The following DCC variants were observed in gnomAD, a reference collection of about 807,000 sequenced individuals.
The protein encoded by DCC is netrin receptor DCC.
In DCC, 58 loss-of-function variants were observed where a neutral mutation model predicts 172.5. That is an observed-to-expected ratio of 0.34 (90% CI 0.27 to 0.42). The LOEUF (loss-of-function observed/expected upper bound fraction) is 0.42. Ranked by LOEUF, DCC falls within the 10% of genes least tolerant of loss-of-function variation. The pLI is 1.00. For missense variants in DCC, 1,740 were observed against 1,791.0 expected (o/e 0.97, Z 0.51); for synonymous variants, 709 against 644.5 (o/e 1.10, Z -1.52).
intron 9 of DCC, among the ~76,000 whole-genome samples, chr18:53,191,478 T>A (rs2055365914): frequency 6.6e-6 from 1 of 152,192 alleles, no homozygotes; most frequent in Admixed American, 6.5e-5. Context: ...TTTTGTAGTA[T>A]TACAACTAAT....
intron 5 of DCC, among the ~76,000 whole-genome samples, chr18:53,032,469 C>G (rs1010923890): frequency 6.6e-6 from 1 of 152,100 alleles, no homozygotes; most frequent in African/African-American, 2.4e-5. Context: ...ATTTTGCATG[C>G]ATAGCATGAA....
chr18:52,836,744 G>A (rs1200896810), intron 2 of DCC, among the ~76,000 whole-genome samples: 1 of 152,152 alleles, frequency 6.6e-6, no homozygotes, highest in Non-Finnish European at 1.5e-5. Context: ...TCTTCCAGGT[G>A]CACAGTGCAT....
At position 52,802,039 on chromosome 18, in the gene DCC, A is replaced by G. The variant is rs536247984; in HGVS notation, c.412+49665A>G. Among the ~76,000 whole-genome samples, 8 of 144,030 alleles carry G rather than the reference A, an allele frequency of 5.6e-5. No homozygotes were observed. The South Asian group carries it at 9.1e-4, about 16-fold the overall frequency. 94.5% of individuals were successfully genotyped at this position (144,030 alleles called of 152,430 possible). A position where few individuals can be genotyped will look rare whatever the true frequency, so the allele number is the denominator to read the frequency against. ...TTTTAACCATTCCCTTCTTTTTTTT[A>G]TCAACATCCCTCTGAGCAGTAACAC... On this transcript the variant is annotated intron_variant, in intron 2 of 28. Transcript: ENST00000442544.
intron 21 of DCC, among the ~76,000 whole-genome samples, 181 bp from the exon 22 acceptor site, chr18:53,434,959 CTTGT>C (rs896724006): frequency 6.6e-6 from 1 of 152,070 alleles, no homozygotes; most frequent in African/African-American, 2.4e-5. Flanking sequence ...ACTTTTGCGA[CTTGT>C]TTTTCTCACA....
chr18:53,239,540 G>A (rs992274652), intron 12 of DCC, among the ~76,000 whole-genome samples: 1 of 152,154 alleles, frequency 6.6e-6, no homozygotes, highest in Non-Finnish European at 1.5e-5. Context: ...ACAGAAATGA[G>A]GGAGAACGCA....
At chr18:52,512,595 G>T (rs1473201446) in intron 1 of DCC, among the ~76,000 whole-genome samples, 4 of 151,966 alleles carry the variant, frequency 2.6e-5, no homozygotes, top group Admixed American at 1.3e-4. Flanking sequence ...CATATTTCTT[G>T]AACACCTACT....
intron 3 of DCC, among the ~76,000 whole-genome samples, chr18:52,912,437 A>C (rs1048753916): frequency 1.3e-5 from 2 of 152,030 alleles, no homozygotes; most frequent in Admixed American, 6.6e-5. Flanking sequence ...TAATTTGTCT[A>C]CTGGTAGTTC....
intron 5 of DCC, among the ~76,000 whole-genome samples, chr18:52,987,706 C>T (rs953189176): frequency 6.6e-6 from 1 of 152,146 alleles, no homozygotes; most frequent in Non-Finnish European, 1.5e-5. Context: ...TGTAGCTTAC[C>T]ACATTCCTGG....
intron 5 of DCC, among the ~76,000 whole-genome samples, chr18:52,984,264 G>T (rs1239374633): frequency 6.6e-6 from 1 of 152,050 alleles, no homozygotes; most frequent in African/African-American, 2.4e-5. Context: ...TATAGAAATA[G>T]AATTTTTCTC....
At chr18:52,574,438 C>T (rs149712646) in intron 1 of DCC, among the ~76,000 whole-genome samples, 283 of 152,236 alleles carry the variant, frequency 1.9e-3, no homozygotes, top group African/African-American at 6.4e-3. Context: ...CCAGCAACAC[C>T]CATTTTCCTT....
intron 3 of DCC, among the ~76,000 whole-genome samples, chr18:52,912,534 C>A (rs537443899): frequency 1.3e-5 from 2 of 152,154 alleles, no homozygotes; most frequent in African/African-American, 4.8e-5. Context: ...GAGTTTCCTG[C>A]ATCTTCTTCC....
At chr18:53,076,892 A>C (rs1190137541) in intron 7 of DCC, among the ~76,000 whole-genome samples, 1 of 152,138 alleles carries the variant, frequency 6.6e-6, no homozygotes, top group Non-Finnish European at 1.5e-5. Context: ...AGCAGAAACC[A>C]TGTAGGATTA....
chr18:52,969,582 C>CCCTCTCT (rs1555689589), intron 5 of DCC, among the ~76,000 whole-genome samples: 3 of 80,058 alleles, frequency 3.7e-5, no homozygotes, highest in African/African-American at 1.6e-4. Context: ...GCCCCGCCCC[C>CCCTCTCT]CACTCTCTCT....
chr18:53,155,721 A>G (rs1316227209), intron 7 of DCC, among the ~76,000 whole-genome samples: 1 of 152,196 alleles, frequency 6.6e-6, no homozygotes, highest in Non-Finnish European at 1.5e-5. Context: ...ACATAAATAA[A>G]CCACTTCAAA....
chr18:53,191,075 C>T (rs2055360359), intron 9 of DCC, among the ~76,000 whole-genome samples: 1 of 152,134 alleles, frequency 6.6e-6, no homozygotes, highest in East Asian at 1.9e-4. Context: ...TATAAATCAC[C>T]TATTTGATTT....
At chr18:52,405,296 C>G (rs1391511548) in intron 1 of DCC, among the ~76,000 whole-genome samples, 1 of 148,138 alleles carries the variant, frequency 6.8e-6, no homozygotes, top group Non-Finnish European at 1.5e-5. Context: ...AAAAGTGTTC[C>G]TATTTCTCCA....
intron 1 of DCC, among the ~76,000 whole-genome samples, chr18:52,358,465 A>G (rs3905640): frequency 0.85 from 129,518 of 152,180 alleles, 55,200 homozygotes; most frequent in East Asian, 0.89. Flanking sequence ...GGAAAACAAC[A>G]CTTAATTCAG....
At chr18:53,200,764 G>A (rs1164507609) in intron 9 of DCC, among the ~76,000 whole-genome samples, 1 of 152,040 alleles carries the variant, frequency 6.6e-6, no homozygotes, top group East Asian at 1.9e-4. Flanking sequence ...TCATGGTCAG[G>A]TAAGGCTGTG....
intron 1 of DCC, chr18:52,419,572 G>T (rs944855959): frequency 2.6e-5 from 4 of 152,148 alleles, no homozygotes; most frequent in African/African-American, 9.7e-5. Flanking sequence ...CGTTAAAGAA[G>T]AAAGACATTT....
Sources: allele counts gnomAD v4.1 joint callset (sites outside exome capture counted in the v4.1 genomes callset), GRCh38; gene constraint gnomAD v4.1.1; transcripts MANE v1.5; gene names NCBI Gene and HGNC (gene_info 2026-07-23, HGNC 2026-07-21).